The following KIF3A variants were observed in gnomAD, a reference collection of about 807,000 sequenced individuals.
KIF3A encodes the protein kinesin family member 3A, also known as kinesin-like protein KIF3A.
A neutral mutation model predicts 92.6 loss-of-function variants in KIF3A; 27 were observed. That is an observed-to-expected ratio of 0.29 (90% confidence interval 0.21 to 0.40). The LOEUF (loss-of-function observed/expected upper bound fraction) is 0.40, where lower values mean the gene tolerates loss of function less well. Ranked by LOEUF, KIF3A falls within the 10% of genes least tolerant of loss-of-function variation. The pLI is 1.00. For synonymous variants in KIF3A, 250 were observed against 275.4 expected, an observed-to-expected ratio of 0.91 and a Z score of 0.92; for missense variants, 581 against 872.6, an observed-to-expected ratio of 0.67 and a Z score of 4.21.
At chr5:132,720,131 T>C (rs1451315655) in intron 5 of KIF3A, among the ~76,000 whole-genome samples, 1 of 152,208 alleles carries the variant, frequency 6.6e-6, no homozygotes, top group African/African-American at 2.4e-5. Flanking sequence ...CATGAGCCAC[T>C]GTGCGTGGCT....
At chr5:132,735,276 T>C (rs969115994) in intron 1 of KIF3A, among the ~76,000 whole-genome samples, 7 of 152,184 alleles carry the variant, frequency 4.6e-5, no homozygotes, top group Non-Finnish European at 8.8e-5. Flanking sequence ...AATTTCATCA[T>C]GTTGGCCAGG....
At chr5:132,727,410 A>G (rs1217333698) in intron 2 of KIF3A, among the ~76,000 whole-genome samples, 3 of 152,202 alleles carry the variant, frequency 2.0e-5, no homozygotes, top group Non-Finnish European at 4.4e-5. Context: ...GTAATGGGAA[A>G]AAGGAGAGGG....
intron 2 of KIF3A, among the ~76,000 whole-genome samples, chr5:132,728,680 T>A (rs1360700224): frequency 6.6e-6 from 1 of 151,944 alleles, no homozygotes; most frequent in East Asian, 1.9e-4. Context: ...AAGGCTGCAG[T>A]GAGCCAAGAT....
At chr5:132,723,754 C>G (rs2149913820) in intron 4 of KIF3A, 1 of 152,328 alleles carries the variant, frequency 6.6e-6, no homozygotes, top group South Asian at 2.1e-4. Flanking sequence ...AACTTCATGT[C>G]TAAAACACCA....
Position 132,696,495 on chromosome 5 carries a change from T to C in KIF3A, c.*139A>G, listed in dbSNP as rs747665841. On this transcript the variant is annotated 3_prime_UTR_variant, in exon 19 of 19. Transcript: ENST00000403231. ...TGTAGACTAAAAGTTCTTAAGCAAA[T>C]TATTATTTCCAGTCTTATTCATTGA... The C allele has an allele frequency of 8.7e-5, 56 of 640,456 alleles. No individual in the cohort carries two copies. Among genetic ancestry groups the C allele is most frequent in the Non-Finnish European group, 1.5e-4 (53 of 351,324 alleles). 39.7% of individuals were successfully genotyped at this position (640,456 alleles called of 1,614,324 possible).
Position 132,702,621 on chromosome 5 carries a change from T to G in KIF3A, c.1695A>C (p.Glu565Asp). ...IEEKYTSLQE[E>D]AQGKTKKLKK... is the part of the protein sequence containing the mutation. Reference sequence around the variant, plus strand: ...TTAACTTCTTGGTCTTTCCCTGTGCTTCCTCTTGCAAACTGGTATATTTTT... The same window carrying G: ...TTAACTTCTTGGTCTTTCCCTGTGCGTCCTCTTGCAAACTGGTATATTTTT... Residue 565 changes from glutamate to aspartate, a missense_variant, in exon 14 of 19, where the codon GAA becomes GAC. Coordinates refer to ENST00000403231, the MANE Select transcript of KIF3A (RefSeq NM_001300791.2). 1 of 1,613,372 alleles carries G rather than the reference T, an allele frequency of 6.2e-7. No individual in the cohort carries two copies. The highest frequency in any genetic ancestry group is 1.3e-5 in the African/African-American group (1 of 75,034).
chr5:132,716,323 G>C lies in KIF3A; in HGVS notation c.876C>G (p.Ser292Arg). 1 of 1,613,920 alleles carries C rather than the reference G, an allele frequency of 6.2e-7. No individual in the cohort carries two copies. Among genetic ancestry groups the C allele is most frequent in the Non-Finnish European group, 8.5e-7 (1 of 1,179,858 alleles). The change falls in exon 7 of 19, where the codon AGC becomes AGG. Residue 292 changes from serine to arginine, a missense_variant. This residue lies in a region of KIF3A where 40 missense variants were observed against 107.0 expected (regional missense o/e 0.37). Coordinates refer to ENST00000403231, the MANE Select transcript of KIF3A (RefSeq NM_001300791.2). The stretch of plus-strand genomic sequence containing the variant: ...TAGAGTTACGATAAGGCACATGAGT[G>C]CTTTTTCCATCAACCAAGGCAGAAA... ...NVISALVDGKSTHVPYRNSKL... is the reference protein window; with the variant it reads ...NVISALVDGKRTHVPYRNSKL...
intron 1 of KIF3A, among the ~76,000 whole-genome samples, 178 bp downstream of exon 1, chr5:132,737,236 A>AC (rs918497773): frequency 7.4e-4 from 112 of 151,798 alleles, no homozygotes; most frequent in African/African-American, 2.6e-3. Context: ...GGCCGGCCGG[A>AC]CCCCCGCGGC....
At chr5:132,696,765 G>T in intron 18 of KIF3A, 83 bp from the exon 19 acceptor site, 1 of 1,079,172 alleles carries the variant, frequency 9.3e-7, no homozygotes, top group Admixed American at 1.8e-5. Flanking sequence ...TAGAAACTAT[G>T]GGGTGGCCTG....
intron 10 of KIF3A, among the ~76,000 whole-genome samples, chr5:132,707,937 G>A (rs1305411391): frequency 6.6e-6 from 1 of 152,046 alleles, no homozygotes; most frequent in East Asian, 1.9e-4. Context: ...AGTCTAGATG[G>A]ATCCTGCATA....
At chr5:132,716,528 A>T in intron 6 of KIF3A, 86 bp from the exon 7 acceptor site, 1 of 1,123,476 alleles carries the variant, frequency 8.9e-7, no homozygotes, top group South Asian at 1.5e-5. Flanking sequence ...AAGTAATGTA[A>T]CAGTAAAAAA....
chr5:132,725,028 C>A (rs1338433730), intron 4 of KIF3A, among the ~76,000 whole-genome samples: 1 of 150,750 alleles, frequency 6.6e-6, no homozygotes, highest in African/African-American at 2.4e-5. Context: ...AGCACTGGGT[C>A]TAACAGAGTT....
intron 2 of KIF3A, among the ~76,000 whole-genome samples, chr5:132,730,440 C>T (rs1366614776): frequency 6.6e-6 from 1 of 150,606 alleles, no homozygotes; most frequent in African/African-American, 2.5e-5. Flanking sequence ...GCACTCCAGC[C>T]TGGGCAACAG....
At chr5:132,711,564 C>T (rs954114215) in intron 8 of KIF3A, among the ~76,000 whole-genome samples, 1 of 151,430 alleles carries the variant, frequency 6.6e-6, no homozygotes, top group African/African-American at 2.4e-5. Context: ...TGTACTCCAG[C>T]CTCAACAACA....
chr5:132,718,557 G>A (rs974935171), intron 5 of KIF3A, among the ~76,000 whole-genome samples: 6 of 152,112 alleles, frequency 3.9e-5, no homozygotes, highest in African/African-American at 9.7e-5. Flanking sequence ...TGATCCATCC[G>A]CCTCAGCCAC....
chr5:132,735,050 A>C (rs1754345545), intron 1 of KIF3A, among the ~76,000 whole-genome samples: 1 of 152,184 alleles, frequency 6.6e-6, no homozygotes, highest in African/African-American at 2.4e-5. Flanking sequence ...AAGCATTTGT[A>C]TATGTAAAGT....
At chr5:132,690,114 G>A (rs1752626956), downstream of KIF3A, among the ~76,000 whole-genome samples, 1 of 152,204 alleles carries the variant, frequency 6.6e-6, no homozygotes, top group Non-Finnish European at 1.5e-5. Flanking sequence ...TACTTGGCAG[G>A]CTGAGGCCGG....
intron 1 of KIF3A, among the ~76,000 whole-genome samples, chr5:132,735,772 C>A (rs1754370438): frequency 6.6e-6 from 1 of 152,248 alleles, no homozygotes; most frequent in South Asian, 2.1e-4. Context: ...AAAAATTCTT[C>A]AGTGGTTTCC....
chr5:132,698,657 C>A (rs1414859867), intron 18 of KIF3A, among the ~76,000 whole-genome samples: 1 of 151,766 alleles, frequency 6.6e-6, no homozygotes, highest in African/African-American at 2.4e-5. Context: ...TACTCAGAAG[C>A]CTAAGAAGTT....
Sources: gnomAD v4.1 joint callset for allele counts (sites outside exome capture counted in the v4.1 genomes callset) on GRCh38, gnomAD v4.1.1 for gene constraint, gnomAD v4.1.1 regional missense constraint, MANE v1.5 for transcripts, NCBI Gene and HGNC (gene_info 2026-07-23, HGNC 2026-07-21) for gene names.